RAP1GAP2: variants seen among roughly 807,000 people sequenced by gnomAD.
RAP1GAP2 encodes rap1 GTPase-activating protein 2.
Under a neutral mutation model 95.0 loss-of-function variants are expected in RAP1GAP2, and 27 were observed. The ratio of observed to expected loss-of-function variants is 0.28; its 90% CI spans 0.21 to 0.39. The LOEUF (loss-of-function observed/expected upper bound fraction) is 0.39, where lower values mean the gene tolerates loss of function less well. Ranked by LOEUF, RAP1GAP2 falls within the 10% of genes least tolerant of loss-of-function variation. RAP1GAP2 has a pLI of 1.00. For missense variants in RAP1GAP2, 771 were observed against 970.0 expected (o/e 0.79, Z 2.72); for synonymous variants, 373 against 380.9 (o/e 0.98, Z 0.24).
intron 1 of RAP1GAP2, among the ~76,000 whole-genome samples, chr17:2,799,463 C>T (rs546902341): frequency 1.3e-5 from 2 of 152,308 alleles, no homozygotes; most frequent in African/African-American, 2.4e-5. Flanking sequence ...GGCTCAGCTC[C>T]GTGTCCTCTC....
chr17:3,015,695 T>C (rs1482590481), intron 17 of RAP1GAP2, among the ~76,000 whole-genome samples: 1 of 152,100 alleles, frequency 6.6e-6, no homozygotes, highest in African/African-American at 2.4e-5. Context: ...CGGGCGCCTG[T>C]AGTCCCAGCT....
chr17:2,848,374 G>A (rs185815897), intron 2 of RAP1GAP2, among the ~76,000 whole-genome samples: 85 of 152,240 alleles, frequency 5.6e-4, no homozygotes, highest in Admixed American at 4.3e-3. Context: ...GTTTATCACG[G>A]AACGACCCTA....
intron 2 of RAP1GAP2, among the ~76,000 whole-genome samples, chr17:2,889,977 G>A (rs982988576): frequency 6.8e-6 from 1 of 147,214 alleles, no homozygotes; most frequent in Non-Finnish European, 1.5e-5. Context: ...GCCCGCTTTG[G>A]CCTCCCAAAG....
chr17:2,800,678 C>A, intron 2 of RAP1GAP2, 128 bp downstream of exon 2: 2 of 999,434 alleles, frequency 2.0e-6, no homozygotes, highest in Admixed American at 4.0e-5. Context: ...AGTCCGAGTC[C>A]ATGGTGCTTC....
intron 3 of RAP1GAP2, among the ~76,000 whole-genome samples, chr17:2,930,460 A>T (rs930558662): frequency 1.3e-5 from 2 of 152,220 alleles, no homozygotes; most frequent in African/African-American, 4.8e-5. Context: ...GGGGCGTGGC[A>T]GCTTCCTCAC....
Position 2,855,250 on chromosome 17 carries a change from G to A in RAP1GAP2, c.81-50034G>A, listed in dbSNP as rs2072084408. On this transcript the variant is annotated intron_variant, in intron 2 of 24. Transcript: ENST00000254695. The surrounding 1 kb of genome is among the most constrained non-coding windows in gnomAD (Gnocchi z 4.3). ...ATTTCCCGTGAAAATGACATAAGGT[G>A]GTTCAGCATGAAATAACATTGAGTC... Among the ~76,000 whole-genome samples, 1 of 152,160 alleles carries A rather than the reference G, an allele frequency of 6.6e-6. No individual in the cohort carries two copies. The highest frequency in any genetic ancestry group is 1.5e-5 in the Non-Finnish European group (1 of 68,034).
intron 2 of RAP1GAP2, among the ~76,000 whole-genome samples, chr17:2,862,680 T>C (rs2072450270): frequency 6.6e-6 from 1 of 152,170 alleles, no homozygotes; most frequent in Admixed American, 6.6e-5. Flanking sequence ...GTTTTCCATG[T>C]ATGATAGTTA....
intron 1 of RAP1GAP2, among the ~76,000 whole-genome samples, chr17:2,768,134 G>A (rs1253744565): frequency 6.6e-6 from 1 of 152,158 alleles, no homozygotes; most frequent in East Asian, 1.9e-4. Flanking sequence ...CAATCCCACA[G>A]CAAGCATTGT....
In RAP1GAP2 at chr17:3,005,551, CT is replaced by C; in HGVS notation, c.1272+115del. ...TCAGGCTGGGAACATTAGGGAGCTC[CT>C]TTTGCAGGTTTTGGGGGGAACCTCC... is the stretch of plus-strand genomic sequence containing the variant. On this transcript the variant is annotated intron_variant, in intron 15 of 24. Transcript: ENST00000254695. The surrounding 1 kb of genome is among the most constrained non-coding windows in gnomAD (Gnocchi z 5.2). 1 of 1,271,700 alleles carries C rather than the reference CT, an allele frequency of 7.9e-7. No individual in the cohort carries two copies. Among genetic ancestry groups the C allele is most frequent in the Non-Finnish European group, 1.1e-6 (1 of 870,016 alleles). The allele number at this position is 1,271,700 out of a possible 1,614,324, so 78.8% of individuals were successfully genotyped here.
chr17:2,847,148 A>G (rs1432273898), intron 2 of RAP1GAP2, among the ~76,000 whole-genome samples: 1 of 152,102 alleles, frequency 6.6e-6, no homozygotes, highest in Non-Finnish European at 1.5e-5. Flanking sequence ...AGCTGGGATT[A>G]CAGGCGCCCG....
At chr17:2,807,086 G>A (rs751524683) in intron 2 of RAP1GAP2, among the ~76,000 whole-genome samples, 46 of 152,056 alleles carry the variant, frequency 3.0e-4, no homozygotes, top group Middle Eastern at 3.4e-3. Context: ...TAGTAGAGAC[G>A]GGGTTTCGCC....
At chr17:2,834,123 G>C (rs2071028603) in intron 2 of RAP1GAP2, among the ~76,000 whole-genome samples, 1 of 152,172 alleles carries the variant, frequency 6.6e-6, no homozygotes, top group African/African-American at 2.4e-5. Flanking sequence ...AAGCCCTCCA[G>C]AGGGCTTTAC....
At chr17:2,854,087 A>G (rs886781240) in intron 2 of RAP1GAP2, 49 of 985,300 alleles carry the variant, frequency 5.0e-5, no homozygotes, top group Non-Finnish European at 5.5e-5. Context: ...TCCCGGAGGC[A>G]GAATAAAGAG....
At chr17:2,888,679 G>A in intron 2 of RAP1GAP2, among the ~76,000 whole-genome samples, 1 of 135,288 alleles carries the variant, frequency 7.4e-6, no homozygotes, top group African/African-American at 2.8e-5. Context: ...TGGAGACGGA[G>A]TCTTGCTTTG....
chr17:2,845,268 G>C (rs2071537287), intron 2 of RAP1GAP2, among the ~76,000 whole-genome samples: 1 of 152,150 alleles, frequency 6.6e-6, no homozygotes, highest in Non-Finnish European at 1.5e-5. Flanking sequence ...TCAGTCTCCA[G>C]AGTAGCTGGG....
rs1477894852 is a variant in RAP1GAP2, at chr17:3,008,741, C to A, written c.1494+596C>A. ...AAGTATTCAAGTGGAGCTCGGACGG[C>A]CCCCGAGCTGGCGTGTGGTAGAGGT... On this transcript the variant is annotated intron_variant, in intron 17 of 24. Coordinates refer to ENST00000254695, the MANE Select transcript of RAP1GAP2 (RefSeq NM_015085.5). The surrounding 1 kb of genome is among the most constrained non-coding windows in gnomAD (Gnocchi z 4.2). Among the ~76,000 whole-genome samples, 1 of 152,222 alleles carries A rather than the reference C, an allele frequency of 6.6e-6. No homozygotes were observed.
chr17:2,986,568 G>T (rs1489472029), intron 11 of RAP1GAP2, among the ~76,000 whole-genome samples: 4 of 150,998 alleles, frequency 2.6e-5, no homozygotes, highest in Non-Finnish European at 4.4e-5. Context: ...AAGAACCTAG[G>T]CAGATTGTTG....
At chr17:3,023,120 T>C (rs1446323349) in intron 19 of RAP1GAP2, among the ~76,000 whole-genome samples, 2 of 152,244 alleles carry the variant, frequency 1.3e-5, no homozygotes, top group Non-Finnish European at 2.9e-5. Flanking sequence ...CCATGGTGAA[T>C]TGATCATGGT....
At position 2,904,429 on chromosome 17, in the gene RAP1GAP2, C is replaced by T. The variant is rs993284973; in HGVS notation, c.81-855C>T. ...GCCATGGTGACACAACTCTGTTTAG[C>T]TGCCTCTCTACCGTCCTAGCCCACA... is the stretch of plus-strand genomic sequence containing the variant. On this transcript the variant is annotated intron_variant, in intron 2 of 24. Coordinates refer to ENST00000254695, the MANE Select transcript of RAP1GAP2 (RefSeq NM_015085.5). The surrounding 1 kb of genome is among the most constrained non-coding windows in gnomAD (Gnocchi z 4.7). Among the ~76,000 whole-genome samples the T allele has an allele frequency of 4.6e-5, 7 of 152,176 alleles. No individual in the cohort carries two copies. Among genetic ancestry groups the T allele is most frequent in the Admixed American group, 2.0e-4 (3 of 15,284 alleles).
Sources: gnomAD v4.1 joint callset for allele counts (sites outside exome capture counted in the v4.1 genomes callset) on GRCh38, gnomAD v4.1.1 for gene constraint, Gnocchi (gnomAD v3.1) non-coding constraint, MANE v1.5 for transcripts, NCBI Gene and HGNC (gene_info 2026-07-23, HGNC 2026-07-21) for gene names.